Variants in TDRD3 observed in about 807,000 individuals in gnomAD.
The protein encoded by TDRD3 is tudor domain-containing protein 3.
A neutral mutation model predicts 86.7 loss-of-function variants in TDRD3; 45 were observed. The observed-to-expected ratio is 0.52, with a 90% CI of 0.41 to 0.67. TDRD3 has a LOEUF of 0.67. Among genes scored for constraint, TDRD3 ranks in the 30% least tolerant of loss-of-function variants. The pLI, the probability that TDRD3 is intolerant of heterozygous loss-of-function variation, is 0.00. For missense variants in TDRD3, 814 were observed against 889.0 expected (o/e 0.92, Z 1.07); for synonymous variants, 298 against 301.7 (o/e 0.99, Z 0.13).
intron 7 of TDRD3, 82 bp downstream of exon 7, chr13:60,486,030 T>C: frequency 7.3e-7 from 1 of 1,378,066 alleles, no homozygotes; most frequent in Non-Finnish European, 9.5e-7. Context: ...TGTCTTTTCA[T>C]ATAAGCTAAC....
chr13:60,554,333 T>C (rs1958137745), intron 12 of TDRD3, among the ~76,000 whole-genome samples: 1 of 152,250 alleles, frequency 6.6e-6, no homozygotes, highest in Non-Finnish European at 1.5e-5. Context: ...CTCTGAAGAA[T>C]GTAGCTTATC....
intron 1 of TDRD3, among the ~76,000 whole-genome samples, chr13:60,398,923 TC>T (rs1221154964): frequency 6.6e-6 from 1 of 152,222 alleles, no homozygotes; most frequent in Admixed American, 6.5e-5. Context: ...TTTGCCTTTC[TC>T]CCCATTTCTC....
intron 1 of TDRD3, among the ~76,000 whole-genome samples, chr13:60,421,173 A>G (rs1283355089): frequency 6.6e-6 from 1 of 150,898 alleles, no homozygotes; most frequent in Non-Finnish European, 1.5e-5. Flanking sequence ...GTGAAGAAAT[A>G]CCCGAGACTG....
intron 4 of TDRD3, among the ~76,000 whole-genome samples, chr13:60,461,744 T>C (rs1470196424): frequency 6.6e-6 from 1 of 152,164 alleles, no homozygotes; most frequent in Non-Finnish European, 1.5e-5. Flanking sequence ...CATACAAATA[T>C]TGTAAGACAT....
intron 5 of TDRD3, among the ~76,000 whole-genome samples, chr13:60,479,166 T>C (rs1475366837): frequency 3.9e-5 from 6 of 152,352 alleles, no homozygotes; most frequent in South Asian, 4.1e-4. Flanking sequence ...TTTCCTCTTA[T>C]CACTGCTTTA....
At chr13:60,497,001 A>G (rs1956732396) in intron 8 of TDRD3, among the ~76,000 whole-genome samples, 1 of 152,212 alleles carries the variant, frequency 6.6e-6, no homozygotes, top group Admixed American at 6.5e-5. Context: ...GAACCCAGCA[A>G]CTAGTGTTCA....
At chr13:60,510,520 T>A (rs541411146) in intron 9 of TDRD3, 110 bp from the exon 10 acceptor site, 3 of 1,151,734 alleles carry the variant, frequency 2.6e-6, no homozygotes, top group Non-Finnish European at 2.2e-6. Context: ...ACAAAAAATA[T>A]GAAAAGAAAT....
intron 1 of TDRD3, among the ~76,000 whole-genome samples, chr13:60,431,390 G>A (rs1356989264): frequency 6.6e-6 from 1 of 151,808 alleles, no homozygotes; most frequent in Non-Finnish European, 1.5e-5. Context: ...AGCTATCTAG[G>A]TTTAACTTTT....
At chr13:60,430,492 C>T (rs1215410382) in intron 1 of TDRD3, among the ~76,000 whole-genome samples, 1 of 151,980 alleles carries the variant, frequency 6.6e-6, no homozygotes, top group African/African-American at 2.4e-5. Context: ...AAAAAGTAAC[C>T]CCAGTTCTGC....
At chr13:60,551,430 T>C (rs1263959864) in intron 12 of TDRD3, among the ~76,000 whole-genome samples, 1 of 152,198 alleles carries the variant, frequency 6.6e-6, no homozygotes, top group South Asian at 2.1e-4. Context: ...TTTAAGGCTT[T>C]GGAAAGAACA....
intron 13 of TDRD3, among the ~76,000 whole-genome samples, chr13:60,573,217 T>A (rs188279994): frequency 6.6e-6 from 1 of 152,124 alleles, no homozygotes; most frequent in Admixed American, 6.5e-5. Context: ...GCAACTCAAT[T>A]CAGAGGCGTT....
intron 12 of TDRD3, among the ~76,000 whole-genome samples, chr13:60,561,306 C>T (rs577220880): frequency 3.5e-4 from 53 of 152,268 alleles, no homozygotes; most frequent in Non-Finnish European, 5.1e-4. Context: ...GCTCTGAACT[C>T]AGAGCCAGAG....
intron 12 of TDRD3, among the ~76,000 whole-genome samples, chr13:60,541,485 T>A (rs1419971029): frequency 1.3e-5 from 2 of 151,930 alleles, no homozygotes; most frequent in Non-Finnish European, 2.9e-5. Context: ...TCTTTTATTT[T>A]TTTTTGTATA....
chr13:60,494,338 C>A, intron 7 of TDRD3, 97 bp from the exon 8 acceptor site: 1 of 1,250,292 alleles, frequency 8.0e-7, no homozygotes, highest in East Asian at 2.6e-5. Context: ...AATTAGGAAA[C>A]TTAATTACTT....
chr13:60,439,381 A>G lies in TDRD3; in HGVS notation c.42-307A>G, dbSNP rs555035906. 4.6e-5 allele frequency among the ~76,000 whole-genome samples: 7 copies of G among 152,304 alleles called. No homozygotes were observed. In the South Asian group the frequency reaches 1.2e-3, roughly 27 times the overall value. ...TAACAGATACTTAAGTCGAGATTAT[A>G]TTTGTATAATAGCAAAGAGCAGCTT... is the stretch of plus-strand genomic sequence containing the variant. On this transcript the variant is annotated intron_variant, in intron 1 of 13. Coordinates refer to ENST00000377881, the MANE Select transcript of TDRD3 (RefSeq NM_001146070.2).
rs568019400 is a variant in TDRD3 at position 60,495,974 on chromosome 13, T to C, written c.858+1399T>C. On this transcript the variant is annotated intron_variant, in intron 8 of 13. Coordinates refer to ENST00000377881, the MANE Select transcript of TDRD3 (RefSeq NM_001146070.2). Reference sequence around the variant, plus strand: ...AAGAATACAAAGTATTGATCCTGAGTGTGTCTGTGAGGGTGTTGCCAAAGG... The same window carrying C: ...AAGAATACAAAGTATTGATCCTGAGCGTGTCTGTGAGGGTGTTGCCAAAGG... Among the ~76,000 whole-genome samples the C allele has an allele frequency of 2.0e-5, 3 of 152,002 alleles. No individual in the cohort carries two copies. The East Asian group carries it at 5.9e-4, about 30-fold the overall frequency.
chr13:60,501,704 T>C (rs1956836729), intron 8 of TDRD3, among the ~76,000 whole-genome samples: 1 of 152,194 alleles, frequency 6.6e-6, no homozygotes, highest in Admixed American at 6.5e-5. Context: ...TGCTTAAACC[T>C]TCTGACTTGT....
At chr13:60,528,325 G>A (rs761618442) in intron 10 of TDRD3, 42 bp from the exon 11 acceptor site, 1 of 1,533,134 alleles carries the variant, frequency 6.5e-7, no homozygotes, top group Non-Finnish European at 8.7e-7. Flanking sequence ...TTAATGCAGA[G>A]TCTTCATCTT....
chr13:60,472,465 A>G (rs934112940), intron 5 of TDRD3, among the ~76,000 whole-genome samples: 9 of 152,186 alleles, frequency 5.9e-5, no homozygotes, highest in African/African-American at 2.2e-4. Flanking sequence ...ATCCATTACA[A>G]TGTCTACTGT....
Sources: allele counts gnomAD v4.1 joint callset (sites outside exome capture counted in the v4.1 genomes callset), GRCh38; gene constraint gnomAD v4.1.1; transcripts MANE v1.5; gene names NCBI Gene and HGNC (gene_info 2026-07-23, HGNC 2026-07-21).